The following AGBL4 variants were observed in gnomAD, a reference collection of about 807,000 sequenced individuals.
AGBL4 encodes the protein cytosolic carboxypeptidase 6.
A neutral mutation model predicts 66.4 loss-of-function variants in AGBL4; 58 were observed. The ratio of observed to expected loss-of-function variants is 0.87; its 90% CI spans 0.71 to 1.09. The LOEUF is 1.09. AGBL4 is among the 50% of genes least tolerant of loss of function. The pLI is 0.00. For missense variants in AGBL4, 579 were observed against 631.0 expected, an observed-to-expected ratio of 0.92 and a Z score of 0.88; for synonymous variants, 234 against 222.9, an observed-to-expected ratio of 1.05 and a Z score of -0.44.
At chr1:48,691,037 T>A (rs754891563) in intron 6 of AGBL4, among the ~76,000 whole-genome samples, 5 of 151,512 alleles carry the variant, frequency 3.3e-5, no homozygotes, top group African/African-American at 4.8e-5. Context: ...TGGTGGTGCA[T>A]GCCTGTAATC....
intron 9 of AGBL4, among the ~76,000 whole-genome samples, chr1:48,631,334 G>A (rs1437183707): frequency 6.6e-6 from 1 of 152,196 alleles, no homozygotes; most frequent in East Asian, 1.9e-4. Context: ...ATCAGATCCA[G>A]GTAATGGTTG....
At chr1:50,013,472 C>T (rs1398164013) in intron 1 of AGBL4, among the ~76,000 whole-genome samples, 1 of 152,094 alleles carries the variant, frequency 6.6e-6, no homozygotes, top group Non-Finnish European at 1.5e-5. Flanking sequence ...ATTAAAGACC[C>T]CACAATTTGA....
intron 3 of AGBL4, among the ~76,000 whole-genome samples, chr1:49,558,490 G>A (rs1446931447): frequency 1.3e-5 from 2 of 152,028 alleles, no homozygotes; most frequent in African/African-American, 2.4e-5. Flanking sequence ...ACAAGCATGC[G>A]CCACCACACC....
intron 3 of AGBL4, among the ~76,000 whole-genome samples, chr1:49,617,519 T>C (rs1645272232): frequency 6.6e-6 from 1 of 152,220 alleles, no homozygotes; most frequent in Non-Finnish European, 1.5e-5. Flanking sequence ...AAATACAGGC[T>C]TGTGTGATTC....
chr1:48,588,435 G>A (rs1174407911), intron 10 of AGBL4, among the ~76,000 whole-genome samples: 1 of 152,184 alleles, frequency 6.6e-6, no homozygotes, highest in Non-Finnish European at 1.5e-5. Context: ...TTGTAACTTG[G>A]AGGTGAAAAT....
chr1:49,895,930 GC>G (rs1649155324), intron 1 of AGBL4, among the ~76,000 whole-genome samples: 1 of 118,626 alleles, frequency 8.4e-6, no homozygotes, highest in Non-Finnish European at 1.8e-5. Context: ...ACAGAGAGTG[GC>G]TGAATGGGGT....
At chr1:48,734,946 G>A (rs1373432054) in intron 6 of AGBL4, among the ~76,000 whole-genome samples, 1 of 152,204 alleles carries the variant, frequency 6.6e-6, no homozygotes, top group East Asian at 1.9e-4. Context: ...TAGGAGCACA[G>A]ATTCTGAAGA....
chr1:49,933,876 C>A lies in AGBL4; in HGVS notation c.35-82358G>T, dbSNP rs148138945. 3.9e-4 allele frequency among the ~76,000 whole-genome samples: 59 copies of A among 152,180 alleles called. 1 individual carries two copies. In the East Asian group the frequency reaches 0.011, roughly 28 times the overall value. ...TGAGGAAAAAAGAAACACAATCAGA[C>A]AGGACACAATTAAAATAGTAATAAT... is the stretch of plus-strand genomic sequence containing the variant. On this transcript the variant is annotated intron_variant, in intron 1 of 13. Coordinates refer to ENST00000371839, the MANE Select transcript of AGBL4 (RefSeq NM_032785.4).
chr1:49,501,005 C>T (rs866888583), intron 3 of AGBL4, among the ~76,000 whole-genome samples: 108 of 152,050 alleles, frequency 7.1e-4, no homozygotes, highest in African/African-American at 2.3e-3. Context: ...TATCCATCCA[C>T]GAGCATGAAA....
intron 3 of AGBL4, among the ~76,000 whole-genome samples, chr1:49,372,607 T>TTTTCTTTCTTTCTTTCTTTCTTTCTTTC (rs202108234): frequency 9.0e-6 from 1 of 111,092 alleles, no homozygotes; most frequent in African/African-American, 3.4e-5. Context: ...TTCTTTTTCT[T>TTTTCTTTCTTTCTTTCTTTCTTTCTTTC]TTTCTTTCTT....
the AGBL4 span, among the ~76,000 whole-genome samples, chr1:48,524,983 G>A: frequency 6.6e-6 from 1 of 151,862 alleles, no homozygotes; most frequent in Admixed American, 6.6e-5. Flanking sequence ...GTGAACTTCT[G>A]GAGGGAGAGA....
intron 6 of AGBL4, among the ~76,000 whole-genome samples, chr1:48,669,647 C>G (rs1450306379): frequency 6.6e-6 from 1 of 152,172 alleles, no homozygotes; most frequent in South Asian, 2.1e-4. Context: ...ATTTTCCTAA[C>G]TCCTCCCCAA....
chr1:49,089,451 T>G (rs1644964233), intron 4 of AGBL4, among the ~76,000 whole-genome samples: 1 of 151,896 alleles, frequency 6.6e-6, no homozygotes, highest in Non-Finnish European at 1.5e-5. Context: ...ACAAAAAACC[T>G]CAGAAACTAC....
intron 5 of AGBL4, among the ~76,000 whole-genome samples, chr1:48,981,862 C>T (rs1198576305): frequency 6.6e-6 from 1 of 152,184 alleles, no homozygotes; most frequent in Non-Finnish European, 1.5e-5. Flanking sequence ...TGCCATTGCA[C>T]ACCAGCCTGG....
chr1:48,758,771 A>T (rs1644088229), intron 6 of AGBL4: 1 of 772,644 alleles, frequency 1.3e-6, no homozygotes, highest in African/African-American at 1.8e-5. Flanking sequence ...GGTAACTGGT[A>T]AGCCAAGAGT....
intron 6 of AGBL4, among the ~76,000 whole-genome samples, chr1:48,837,711 C>CTATATATATATATATA (rs58650623): frequency 0.028 from 2,252 of 81,716 alleles, 67 homozygotes; most frequent in East Asian, 0.043. Flanking sequence ...CACACACACA[C>CTATATATATATATATA]TATATATATA....
intron 4 of AGBL4, among the ~76,000 whole-genome samples, chr1:49,244,143 A>G (rs535638513): frequency 6.6e-6 from 1 of 151,988 alleles, no homozygotes; most frequent in South Asian, 2.1e-4. Flanking sequence ...AGAACTTAAC[A>G]TTTGGGAAAA....
Position 49,514,252 on chromosome 1 carries a change from CTG to C in AGBL4, c.282+183059_282+183060del, listed in dbSNP as rs1231132803. On this transcript the variant is annotated intron_variant, in intron 3 of 13. Transcript: ENST00000371839. The stretch of plus-strand genomic sequence containing the variant: ...ATTGCCCTGGCCAGAACTTCCAACA[CTG>C]TGTTGAATAGGAGTGGTGACAGAGG... Among the ~76,000 whole-genome samples the C allele has an allele frequency of 2.6e-5, 4 of 152,044 alleles. No individual in the cohort carries two copies. In the East Asian group the frequency reaches 7.8e-4, roughly 30 times the overall value.
chr1:48,755,725 C>T (rs971547), intron 6 of AGBL4, among the ~76,000 whole-genome samples: 148,539 of 152,248 alleles, frequency 0.98, 72,550 homozygotes, highest in East Asian at 1. Context: ...TCCCTTCAGA[C>T]GCTAATCTCT....
Sources: gnomAD v4.1 joint callset for allele counts (sites outside exome capture counted in the v4.1 genomes callset) on GRCh38, gnomAD v4.1.1 for gene constraint, MANE v1.5 for transcripts, NCBI Gene and HGNC (gene_info 2026-07-23, HGNC 2026-07-21) for gene names.